Variants in ARMH4 observed in about 807,000 individuals in gnomAD.
The protein encoded by ARMH4 is armadillo like helical domain containing 4.
In ARMH4, 49 loss-of-function variants were observed where a neutral mutation model predicts 61.9. That is an observed-to-expected ratio of 0.79 (90% CI 0.63 to 1.00). The LOEUF (loss-of-function observed/expected upper bound fraction) is 1.00, where lower values mean the gene tolerates loss of function less well. ARMH4 is among the 50% of genes least tolerant of loss of function. ARMH4 has a pLI of 0.00. For missense variants in ARMH4, 934 were observed against 930.0 expected (o/e 1.00, Z -0.06); for synonymous variants, 368 against 341.5 (o/e 1.08, Z -0.85).
chr14:58,102,425 G>C (rs1886014450), intron 4 of ARMH4, among the ~76,000 whole-genome samples: 1 of 152,110 alleles, frequency 6.6e-6, no homozygotes, highest in Non-Finnish European at 1.5e-5. Context: ...TTTGGTAAAA[G>C]AATCTTTGCA....
intron 5 of ARMH4, among the ~76,000 whole-genome samples, chr14:58,070,558 T>C (rs1255862932): frequency 6.6e-6 from 1 of 152,126 alleles, no homozygotes; most frequent in Non-Finnish European, 1.5e-5. Context: ...TTCCTGGACA[T>C]AAAAATGGCA....
At chr14:58,010,606 T>C (rs17094208) in intron 6 of ARMH4, among the ~76,000 whole-genome samples, 25,368 of 151,758 alleles carry the variant, frequency 0.17, 2,694 homozygotes, top group East Asian at 0.48. Flanking sequence ...GCCAGAAAAC[T>C]AGCGGTCACA....
chr14:58,109,906 C>T (rs1886293325), intron 4 of ARMH4, among the ~76,000 whole-genome samples: 1 of 152,148 alleles, frequency 6.6e-6, no homozygotes, highest in Non-Finnish European at 1.5e-5. Flanking sequence ...GAAGGGGAAG[C>T]AGGCACGTTC....
intron 5 of ARMH4, among the ~76,000 whole-genome samples, chr14:58,077,227 T>C (rs1773023457): frequency 6.6e-6 from 1 of 152,230 alleles, no homozygotes; most frequent in African/African-American, 2.4e-5. Flanking sequence ...GTGGTTGTTC[T>C]ATTTAAGAAT....
intron 5 of ARMH4, among the ~76,000 whole-genome samples, chr14:58,083,439 C>T (rs1410704087): frequency 6.6e-5 from 10 of 152,026 alleles, no homozygotes. Context: ...AAATATTAGC[C>T]AGACATGGTG....
intron 5 of ARMH4, among the ~76,000 whole-genome samples, chr14:58,026,541 T>C (rs1351705360): frequency 1.3e-5 from 2 of 152,194 alleles, no homozygotes; most frequent in African/African-American, 4.8e-5. Flanking sequence ...TTGGCCTTCA[T>C]ACTTTATTTT....
At chr14:58,011,620 G>A (rs751135275) in intron 6 of ARMH4, among the ~76,000 whole-genome samples, 10 of 152,060 alleles carry the variant, frequency 6.6e-5, no homozygotes, top group Non-Finnish European at 8.8e-5. Flanking sequence ...GGAAGTTAAC[G>A]TTGTCAATCA....
chr14:58,029,768 G>A (rs1487273761), intron 5 of ARMH4, among the ~76,000 whole-genome samples: 1 of 152,206 alleles, frequency 6.6e-6, no homozygotes, highest in Non-Finnish European at 1.5e-5. Flanking sequence ...AACATAAAAT[G>A]ATGCAGCCAC....
chr14:58,056,746 G>C (rs1273765438), intron 5 of ARMH4, among the ~76,000 whole-genome samples: 2 of 152,136 alleles, frequency 1.3e-5, no homozygotes, highest in Non-Finnish European at 2.9e-5. Flanking sequence ...GGCTCTCTAA[G>C]GCAAAGCTTG....
At chr14:58,127,806 C>T (rs1207449064) in intron 4 of ARMH4, among the ~76,000 whole-genome samples, 1 of 152,020 alleles carries the variant, frequency 6.6e-6, no homozygotes, top group Non-Finnish European at 1.5e-5. Context: ...CCCCATTTCC[C>T]GCTAGCTGGA....
At chr14:58,106,593 C>T (rs2141280132) in intron 4 of ARMH4, among the ~76,000 whole-genome samples, 1 of 152,258 alleles carries the variant, frequency 6.6e-6, no homozygotes, top group South Asian at 2.1e-4. Flanking sequence ...TACACGGTAC[C>T]CTCTCTTAGC....
At chr14:58,010,655 A>G (rs1447337036) in intron 6 of ARMH4, among the ~76,000 whole-genome samples, 1 of 152,154 alleles carries the variant, frequency 6.6e-6, no homozygotes. Flanking sequence ...AGCAAGAAAA[A>G]GGTACCAAGA....
intron 5 of ARMH4, among the ~76,000 whole-genome samples, chr14:58,088,046 T>C (rs190493834): frequency 1.9e-4 from 29 of 152,338 alleles, no homozygotes; most frequent in African/African-American, 6.0e-4. Context: ...AGCAGCAGGA[T>C]GGAAGTCTAT....
At chr14:58,009,320 G>A (rs1353195326) in intron 6 of ARMH4, among the ~76,000 whole-genome samples, 1 of 152,094 alleles carries the variant, frequency 6.6e-6, no homozygotes, top group African/African-American at 2.4e-5. Context: ...AAAGAAAGGG[G>A]TGTCATTAGC....
Position 58,007,169 on chromosome 14 carries a change from G to A in ARMH4, c.2122-1987C>T, listed in dbSNP as rs1882209046. Among the ~76,000 whole-genome samples, 3 of 152,126 alleles carry A rather than the reference G, an allele frequency of 2.0e-5. No homozygotes were observed. The South Asian group carries it at 6.2e-4, about 31-fold the overall frequency. On this transcript the variant is annotated intron_variant, in intron 6 of 7. Transcript: ENST00000267485. Reference sequence around the variant, plus strand: ...CAGATGATTAGGCTTCTCATGTACAGTAACATTTGAACTTTTGGAAGGTCA... The same window carrying A: ...CAGATGATTAGGCTTCTCATGTACAATAACATTTGAACTTTTGGAAGGTCA...
chr14:58,022,130 T>C (rs1186988556), intron 5 of ARMH4, among the ~76,000 whole-genome samples: 3 of 152,186 alleles, frequency 2.0e-5, no homozygotes, highest in African/African-American at 7.2e-5. Flanking sequence ...AGAGAATCTT[T>C]TTCCTTGCCT....
In ARMH4 at chr14:58,009,886, G is replaced by A. The variant is rs529701364; in HGVS notation, c.2121+2233C>T. 9.9e-5 allele frequency among the ~76,000 whole-genome samples: 15 copies of A among 151,874 alleles called. No individual in the cohort carries two copies. In the South Asian group the frequency reaches 2.5e-3, roughly 25 times the overall value. On this transcript the variant is annotated intron_variant, in intron 6 of 7. Transcript: ENST00000267485. ...TGGCTAAGCCATTGTCATTGGGGGT[G>A]GGGGCGGATTGGCTATCATTCACAG...
At chr14:58,078,531 G>A (rs966086760) in intron 5 of ARMH4, among the ~76,000 whole-genome samples, 1 of 152,112 alleles carries the variant, frequency 6.6e-6, no homozygotes, top group Non-Finnish European at 1.5e-5. Flanking sequence ...TTTCCTTGTT[G>A]GGAAAAAATC....
At chr14:58,032,860 G>A (rs532164414) in intron 5 of ARMH4, among the ~76,000 whole-genome samples, 76 of 152,184 alleles carry the variant, frequency 5.0e-4, no homozygotes, top group Non-Finnish European at 8.2e-4. Context: ...AACAAACGGC[G>A]CACCACGAGA....
Sources: allele counts gnomAD v4.1 joint callset (sites outside exome capture counted in the v4.1 genomes callset), GRCh38; gene constraint gnomAD v4.1.1; transcripts MANE v1.5; gene names NCBI Gene and HGNC (gene_info 2026-07-23, HGNC 2026-07-21).